The following PRKCQ variants were observed in gnomAD, a reference collection of about 807,000 sequenced individuals.
The protein encoded by PRKCQ is protein kinase C theta type.
Under a neutral mutation model 91.2 loss-of-function variants are expected in PRKCQ, and 41 were observed. The ratio of observed to expected loss-of-function variants is 0.45; its 90% CI spans 0.35 to 0.58. PRKCQ has a LOEUF of 0.58. Ranked by LOEUF, PRKCQ falls within the 20% of genes least tolerant of loss-of-function variation. PRKCQ has a pLI of 0.00. For synonymous variants in PRKCQ, 307 were observed against 316.9 expected (o/e 0.97, Z 0.33); for missense variants, 673 against 896.5 (o/e 0.75, Z 3.18).
the PRKCQ span, among the ~76,000 whole-genome samples, chr10:6,414,206 G>A: frequency 6.6e-6 from 1 of 152,184 alleles, no homozygotes; most frequent in African/African-American, 2.4e-5. Context: ...TGGAGAAAGG[G>A]AAATCCTGAG....
intron 1 of PRKCQ, among the ~76,000 whole-genome samples, chr10:6,543,575 A>T (rs537258189): frequency 9.7e-4 from 148 of 152,298 alleles, no homozygotes; most frequent in Admixed American, 2.0e-3. Context: ...GACGCTAACC[A>T]CTACTTTGTG....
chr10:6,426,832 G>A (rs1305783788), downstream of PRKCQ, among the ~76,000 whole-genome samples: 1 of 152,136 alleles, frequency 6.6e-6, no homozygotes, highest in African/African-American at 2.4e-5. Context: ...CTCACCCTTT[G>A]TCTTACTCTA....
At chr10:6,464,497 TG>T in intron 12 of PRKCQ, 93 bp from the exon 13 acceptor site, 2 of 1,058,854 alleles carry the variant, frequency 1.9e-6, no homozygotes, top group Non-Finnish European at 2.8e-6. Flanking sequence ...TCTCCCAGGC[TG>T]GAGTGCAGTG....
chr10:6,413,000 T>A, the PRKCQ span, among the ~76,000 whole-genome samples: 2 of 152,220 alleles, frequency 1.3e-5, no homozygotes, highest in Non-Finnish European at 2.9e-5. Context: ...TTGCCCAGGC[T>A]GGAGTGCAGT....
chr10:6,562,228 C>T (rs1308692303), intron 1 of PRKCQ, among the ~76,000 whole-genome samples: 1 of 152,160 alleles, frequency 6.6e-6, no homozygotes, highest in Admixed American at 6.5e-5. Context: ...CATAAATGCC[C>T]CGGTCAGTGC....
At chr10:6,413,682 G>GCGCGCGCGCA in the PRKCQ span, among the ~76,000 whole-genome samples, 2 of 98,024 alleles carry the variant, frequency 2.0e-5, no homozygotes, top group East Asian at 2.9e-4. Context: ...TGCCACTTGT[G>GCGCGCGCGCA]CACACACACA....
intron 11 of PRKCQ, among the ~76,000 whole-genome samples, chr10:6,481,173 T>A (rs1333723119): frequency 6.6e-6 from 1 of 152,200 alleles, no homozygotes; most frequent in Non-Finnish European, 1.5e-5. Context: ...GGGGGAAACC[T>A]GGGGCTCCCA....
intron 16 of PRKCQ, among the ~76,000 whole-genome samples, chr10:6,435,650 G>A (rs1036489496): frequency 1.3e-5 from 2 of 152,164 alleles, no homozygotes; most frequent in African/African-American, 4.8e-5. Context: ...ATTGGAAGAA[G>A]GATTGTCTTG....
chr10:6,430,359 C>T lies in PRKCQ; in HGVS notation c.1965+451G>A, dbSNP rs1198066282. ...CCTAACAATTACCCTTAGGAAATGT[C>T]GTTATATGAGCACTTTACAGATACT... is the stretch of plus-strand genomic sequence containing the variant. On this transcript the variant is annotated intron_variant, in intron 17 of 17. Transcript: ENST00000263125. This position sits in a 1 kb window ranked among gnomAD's most constrained non-coding sequence, Gnocchi z 4.7. 6.6e-6 allele frequency among the ~76,000 whole-genome samples: 1 copy of T among 152,142 alleles called. No individual in the cohort carries two copies. The highest frequency in any genetic ancestry group is 1.5e-5 in the Non-Finnish European group (1 of 68,030).
intron 7 of PRKCQ, among the ~76,000 whole-genome samples, chr10:6,492,626 C>T (rs550855276): frequency 6.6e-5 from 10 of 152,182 alleles, no homozygotes; most frequent in African/African-American, 1.4e-4. Context: ...GAAGGCTTAT[C>T]GGGGTAGGGA....
intron 1 of PRKCQ, among the ~76,000 whole-genome samples, chr10:6,541,190 C>T (rs538464633): frequency 6.6e-6 from 1 of 152,320 alleles, no homozygotes; most frequent in Admixed American, 6.5e-5. Context: ...GAGTCCTGTT[C>T]ATCATAATGT....
intron 1 of PRKCQ, among the ~76,000 whole-genome samples, chr10:6,567,089 G>C (rs1840862592): frequency 6.6e-6 from 1 of 152,144 alleles, no homozygotes; most frequent in Admixed American, 6.5e-5. Flanking sequence ...ATGCTCTCAG[G>C]CTTACTCAAG....
At position 6,505,627 on chromosome 10, in the gene PRKCQ, C is replaced by CCTTA. The variant is rs1391793019; in HGVS notation, c.379+1808_379+1809insTAAG. ...CTCTCTCTCTCTCCCTTCCTTCCTTCCTTCCCTCCCTTCCTTCCTTTCCTT... is the reference window on the plus strand; with the variant it reads ...CTCTCTCTCTCTCCCTTCCTTCCTTCCTTACTTCCCTCCCTTCCTTCCTTTCCTT... On this transcript the variant is annotated intron_variant, in intron 4 of 17. Transcript: ENST00000263125. Among the ~76,000 whole-genome samples the CCTTA allele has an allele frequency of 4.0e-5, 6 of 149,674 alleles. No individual in the cohort carries two copies. In the East Asian group the frequency reaches 9.8e-4, roughly 25 times the overall value.
At position 6,501,019 on chromosome 10, in the gene PRKCQ, A is replaced by G. The variant is rs760682199; in HGVS notation, c.380-2461T>C. Among the ~76,000 whole-genome samples the G allele has an allele frequency of 3.3e-5, 5 of 152,310 alleles. No homozygotes were observed. The South Asian group carries it at 1.0e-3, about 32-fold the overall frequency. On this transcript the variant is annotated intron_variant, in intron 4 of 17. Transcript: ENST00000263125. ...AAGAGACCAAGAAGAGGCAGCTGAA[A>G]AATTAAGAGGAAAACCTGGACAATA...
chr10:6,486,222 A>G, intron 8 of PRKCQ, 78 bp from the exon 9 acceptor site: 1 of 1,243,490 alleles, frequency 8.0e-7, no homozygotes, highest in Non-Finnish European at 1.2e-6. Context: ...GAGGTAAGAC[A>G]GAGCCTTGCG....
At chr10:6,449,635 A>G (rs1250965803) in intron 15 of PRKCQ, among the ~76,000 whole-genome samples, 1 of 152,100 alleles carries the variant, frequency 6.6e-6, no homozygotes, top group African/African-American at 2.4e-5. Flanking sequence ...TAATTGTCAG[A>G]TTCACCAAAG....
At chr10:6,536,171 C>T (rs1181723854) in intron 1 of PRKCQ, among the ~76,000 whole-genome samples, 3 of 152,192 alleles carry the variant, frequency 2.0e-5, no homozygotes, top group African/African-American at 7.2e-5. Context: ...AAGGTCCGGG[C>T]AGCCCATGGC....
intron 4 of PRKCQ, among the ~76,000 whole-genome samples, chr10:6,502,576 G>A (rs1837976047): frequency 6.6e-6 from 1 of 152,204 alleles, no homozygotes; most frequent in Non-Finnish European, 1.5e-5. Context: ...CTGGAACACT[G>A]CAGTAGGGGC....
chr10:6,423,913 T>G (rs1190337248), downstream of PRKCQ, among the ~76,000 whole-genome samples: 1 of 152,146 alleles, frequency 6.6e-6, no homozygotes, highest in Non-Finnish European at 1.5e-5. Flanking sequence ...GACAGAGGAT[T>G]GTAGAGACGT....
Sources: gnomAD v4.1 joint callset for allele counts (sites outside exome capture counted in the v4.1 genomes callset) on GRCh38, gnomAD v4.1.1 for gene constraint, Gnocchi (gnomAD v3.1) non-coding constraint, MANE v1.5 for transcripts, NCBI Gene and HGNC (gene_info 2026-07-23, HGNC 2026-07-21) for gene names.